IARS2: variants seen among roughly 807,000 people sequenced by gnomAD.
The protein encoded by IARS2 is isoleucine--tRNA ligase, mitochondrial.
Under a neutral mutation model 126.3 loss-of-function variants are expected in IARS2, and 56 were observed. That is an observed-to-expected ratio of 0.44 (90% CI 0.36 to 0.55). The LOEUF (loss-of-function observed/expected upper bound fraction) is 0.55, where lower values mean the gene tolerates loss of function less well. Among genes scored for constraint, IARS2 ranks in the 20% least tolerant of loss-of-function variants. The pLI is 0.00. For missense variants in IARS2, 1,127 were observed against 1,245.9 expected (o/e 0.90, Z 1.44); for synonymous variants, 407 against 441.1 (o/e 0.92, Z 0.97).
intron 20 of IARS2, among the ~76,000 whole-genome samples, chr1:220,142,414 A>C (rs1423365087): frequency 6.6e-6 from 1 of 152,188 alleles, no homozygotes; most frequent in Non-Finnish European, 1.5e-5. Context: ...AGGCAGGAGA[A>C]TTGCTTGAAC....
intron 21 of IARS2, 92 bp from the exon 22 acceptor site, chr1:220,145,417 C>G (rs551128734): frequency 4.1e-6 from 5 of 1,229,304 alleles, no homozygotes; most frequent in Non-Finnish European, 4.5e-6. Flanking sequence ...AGGTTCCTCT[C>G]TAAACGTGAG....
chr1:220,138,343 C>A (rs1200314582), intron 17 of IARS2, among the ~76,000 whole-genome samples: 1 of 152,054 alleles, frequency 6.6e-6, no homozygotes, highest in Non-Finnish European at 1.5e-5. Flanking sequence ...TGGTGGCATG[C>A]ACCTGTAGTC....
At position 220,147,496 on chromosome 1, in the gene IARS2, G is replaced by T; in HGVS notation, c.2900G>T (p.Gly967Val). ...KGKFLINLEG[G>V]DIREESSYKV... ...CTCTTCATGTATTTTTTTATAGGTGGTGATATTCGTGAAGAGTCTTCCTAT... is the reference window on the plus strand; with the variant it reads ...CTCTTCATGTATTTTTTTATAGGTGTTGATATTCGTGAAGAGTCTTCCTAT... Residue 967 changes from glycine to valine, a missense_variant, in exon 23 of 23, where the codon GGT (glycine) becomes GTT (valine). Physicochemically the swap from Gly to Val is moderately radical, Grantham distance 109. Coordinates refer to ENST00000366922, the MANE Select transcript of IARS2 (RefSeq NM_018060.4). 2 of 1,613,804 alleles carry T rather than the reference G, an allele frequency of 1.2e-6. No individual in the cohort carries two copies. Among genetic ancestry groups the T allele is most frequent in the Non-Finnish European group, 1.7e-6 (2 of 1,179,794 alleles).
chr1:220,126,232 G>A (rs546906365), intron 13 of IARS2, among the ~76,000 whole-genome samples: 4 of 152,038 alleles, frequency 2.6e-5, no homozygotes, highest in South Asian at 4.2e-4. Flanking sequence ...CCGAGATCGC[G>A]CCATTGCACT....
At chr1:220,108,212 C>A (rs1261332771) in intron 10 of IARS2, among the ~76,000 whole-genome samples, 1 of 151,672 alleles carries the variant, frequency 6.6e-6, no homozygotes, top group Non-Finnish European at 1.5e-5. Flanking sequence ...AGGATACACA[C>A]CACTACTCCT....
chr1:220,143,031 G>A lies in IARS2; in HGVS notation c.2648G>A (p.Cys883Tyr), dbSNP rs1183112010. ...TTGGAAGAAGCTGTGGAGAGTGCGTGTGCAATGCGAGACTCATTTCTTGGA... is the reference window on the plus strand; with the variant it reads ...TTGGAAGAAGCTGTGGAGAGTGCGTATGCAATGCGAGACTCATTTCTTGGA... Reference protein sequence around the residue: ...PGLEEAVESACAMRDSFLGSI... With the variant: ...PGLEEAVESAYAMRDSFLGSI... The change falls in exon 21 of 23, where the codon TGT becomes TAT. Residue 883 changes from cysteine (C) to tyrosine (Y), a missense_variant. Physicochemically the swap from Cys to Tyr is radical, Grantham distance 194 (BLOSUM62 -2). Transcript: ENST00000366922. The A allele has an allele frequency of 2.5e-6, 4 of 1,614,028 alleles. No homozygotes were observed. Among genetic ancestry groups the A allele is most frequent in the Admixed American group, 1.7e-5 (1 of 60,006 alleles).
At chr1:220,140,321 A>T (rs1350232832) in intron 19 of IARS2, 32 bp downstream of exon 19, 1 of 1,320,250 alleles carries the variant, frequency 7.6e-7, no homozygotes, top group South Asian at 1.2e-5. Context: ...AATGCTTAAC[A>T]ATGGCCAGGT....
Position 220,102,612 on chromosome 1 carries a change from T to G in IARS2, c.859+8T>G. On this transcript the variant is annotated splice_region_variant and intron_variant, in intron 6 of 22. Coordinates refer to ENST00000366922, the MANE Select transcript of IARS2 (RefSeq NM_018060.4). The stretch of plus-strand genomic sequence containing the variant: ...AATTGGCATCTCTTATAGGTAAGAT[T>G]TATTCATAGCTTGAGTGTACCAAAG... The G allele has an allele frequency of 1.3e-6, 2 of 1,598,672 alleles. No individual in the cohort carries two copies. The highest frequency in any genetic ancestry group is 1.7e-6 in the Non-Finnish European group (2 of 1,166,086).
chr1:220,129,544 C>T (rs1165583131), intron 14 of IARS2, among the ~76,000 whole-genome samples: 2 of 152,206 alleles, frequency 1.3e-5, no homozygotes, highest in Non-Finnish European at 2.9e-5. Flanking sequence ...AACTGTCATT[C>T]TACTTTCTAC....
rs780543512 is a variant in IARS2, at chr1:220,141,840, T to C, written c.2452T>C (p.Ser818Pro). Residue 818 changes from serine (S) to proline (P), a missense_variant, in exon 20 of 23, where the codon TCT becomes CCT. By Grantham distance (74) the Ser-to-Pro change is moderately conservative. Coordinates refer to ENST00000366922, the MANE Select transcript of IARS2 (RefSeq NM_018060.4). ...CEKENDPKRRSCQTALVEILD... is the reference protein window; with the variant it reads ...CEKENDPKRRPCQTALVEILD... ...AAAGGAAAATGACCCCAAACGACGC[T>C]CTTGTCAGACTGCATTAGTTGAAAT... 1.1e-5 allele frequency: 18 copies of C among 1,614,148 alleles called. No homozygotes were observed. Among genetic ancestry groups the C allele is most frequent in the Non-Finnish European group, 1.5e-5 (18 of 1,180,008 alleles).
chr1:220,103,597 CA>C, intron 8 of IARS2, 35 bp downstream of exon 8: 1 of 1,332,948 alleles, frequency 7.5e-7, no homozygotes, highest in Non-Finnish European at 1.1e-6. Context: ...ACATAGTCAT[CA>C]AAGTATTGGG....
intron 11 of IARS2, among the ~76,000 whole-genome samples, chr1:220,111,598 A>ATATATATATATGTGTGTG (rs374024744): frequency 1.5e-5 from 2 of 134,860 alleles, no homozygotes; most frequent in Non-Finnish European, 3.2e-5. Flanking sequence ...ATATATATAT[A>ATATATATATATGTGTGTG]TGTGTGTGTG....
rs560156782 is a variant in IARS2, at chr1:220,114,015, T to C, written c.1480-299T>C. ...TTTATTACCAGTTTTGATCTAGGGTTGGTGTAAATTAGAAATTGGTATGAA... is the reference window on the plus strand; with the variant it reads ...TTTATTACCAGTTTTGATCTAGGGTCGGTGTAAATTAGAAATTGGTATGAA... On this transcript the variant is annotated intron_variant, in intron 11 of 22. Coordinates refer to ENST00000366922, the MANE Select transcript of IARS2 (RefSeq NM_018060.4). Among the ~76,000 whole-genome samples the C allele has an allele frequency of 2.4e-4, 37 of 152,268 alleles. 1 individual carries two copies. The South Asian group carries it at 7.5e-3, about 31-fold the overall frequency.
At chr1:220,121,638 C>G (rs1258987099) in intron 12 of IARS2, among the ~76,000 whole-genome samples, 1 of 151,974 alleles carries the variant, frequency 6.6e-6, no homozygotes, top group Non-Finnish European at 1.5e-5. Flanking sequence ...GATGTGGGGT[C>G]TTTACTATGT....
At chr1:220,108,065 A>ATT (rs111268011) in intron 10 of IARS2, among the ~76,000 whole-genome samples, 1 of 145,310 alleles carries the variant, frequency 6.9e-6, no homozygotes, top group African/African-American at 2.5e-5. Flanking sequence ...CACCCAGCTA[A>ATT]TTTTTTTTTT....
chr1:220,102,443 G>T, intron 5 of IARS2, 31 bp downstream of exon 5: 1 of 1,611,968 alleles, frequency 6.2e-7, no homozygotes, highest in Non-Finnish European at 8.5e-7. Flanking sequence ...AATTAAAAGG[G>T]AGAAATTTGT....
At chr1:220,125,202 A>T in intron 12 of IARS2, 35 bp from the exon 13 acceptor site, 1 of 1,182,922 alleles carries the variant, frequency 8.5e-7, no homozygotes, top group Non-Finnish European at 1.2e-6. Context: ...CACAATAGTT[A>T]ATTGAATAAT....
At chr1:220,103,896 C>T (rs977913379) in intron 8 of IARS2, among the ~76,000 whole-genome samples, 9 of 152,060 alleles carry the variant, frequency 5.9e-5, no homozygotes, top group South Asian at 2.1e-4. Flanking sequence ...ACTTATTTTT[C>T]GATACATAAT....
rs542653335 is a variant in IARS2, at chr1:220,114,386, C to A, written c.1552C>A (p.Pro518Thr). 1.7e-5 allele frequency: 27 copies of A among 1,613,726 alleles called. 2 individuals are homozygous for A. The East Asian group carries it at 5.6e-4, about 33-fold the overall frequency. The change falls in exon 12 of 23, where the codon CCA becomes ACA. Residue 518 changes from proline to threonine, a missense_variant. Pro to Thr is a conservative substitution (Grantham distance 38). Coordinates refer to ENST00000366922, the MANE Select transcript of IARS2 (RefSeq NM_018060.4). ...NGMVEMMDRR[P>T]YWCISRQRVW... ...CATGGTTGAAATGATGGACAGGCGG[C>A]CATATTGGTGTATATCAAGGCAAAG...
Sources: allele counts gnomAD v4.1 joint callset (sites outside exome capture counted in the v4.1 genomes callset), GRCh38; gene constraint gnomAD v4.1.1; transcripts MANE v1.5; gene names NCBI Gene and HGNC (gene_info 2026-07-23, HGNC 2026-07-21).